The following TMEM82 variants were observed in gnomAD, a reference collection of about 807,000 sequenced individuals.
The protein encoded by TMEM82 is transmembrane protein 82.
TMEM82 carries 30 observed loss-of-function variants against 29.2 expected under a neutral mutation model. The observed-to-expected ratio is 1.03, with a 90% CI of 0.77 to 1.39. TMEM82 has a LOEUF of 1.39. Among genes scored for constraint, TMEM82 ranks in the 40% most tolerant of loss-of-function variants. The pLI, the probability that TMEM82 is intolerant of heterozygous loss-of-function variation, is 0.00. For missense variants in TMEM82, 442 were observed against 447.7 expected (o/e 0.99, Z 0.12); for synonymous variants, 221 against 225.4 (o/e 0.98, Z 0.18).
intron 2 of TMEM82, 49 bp downstream of exon 2, chr1:15,742,956 A>C (rs1307670479): frequency 6.2e-7 from 1 of 1,605,412 alleles, no homozygotes; most frequent in South Asian, 1.1e-5. Context: ...GGGCACGGGG[A>C]CCCCCACCAG....
chr1:15,742,808 C>A, intron 1 of TMEM82, 27 bp from the exon 2 acceptor site: 1 of 1,606,706 alleles, frequency 6.2e-7, no homozygotes, highest in Non-Finnish European at 8.5e-7. Flanking sequence ...TGCACGCTGC[C>A]TCGCTGCCTC....
rs530329996 is a variant in TMEM82 at position 15,744,831 on chromosome 1, G to A, written c.757+251G>A. 1.1e-4 allele frequency among the ~76,000 whole-genome samples: 16 copies of A among 152,270 alleles called. No individual in the cohort carries two copies. In the East Asian group the frequency reaches 3.1e-3, roughly 30 times the overall value. ...GAAGCGAGGCAGGGAACAGAATCTT[G>A]GACAGAGAGAACCGCATGTGCCAAT... On this transcript the variant is annotated intron_variant, in intron 4 of 5. Coordinates refer to ENST00000375782, the MANE Select transcript of TMEM82 (RefSeq NM_001013641.3). This position sits in a 1 kb window ranked among gnomAD's most constrained non-coding sequence, Gnocchi z 5.2.
In TMEM82 at chr1:15,744,463, G is replaced by T; in HGVS notation, c.640G>T (p.Val214Leu). 6.2e-7 allele frequency: 1 copy of T among 1,608,846 alleles called. No individual in the cohort carries two copies. The highest frequency in any genetic ancestry group is 8.5e-7 in the Non-Finnish European group (1 of 1,178,304). Reference sequence around the variant, plus strand: ...CCGTGCCCTGGCCATAGCCTTTGCCGTGGGTGACCTGGCAGCTGTGGCCCT... The same window carrying T: ...CCGTGCCCTGGCCATAGCCTTTGCCTTGGGTGACCTGGCAGCTGTGGCCCT... ...LGRALAIAFA[V>L]GDLAAVALIN... The change falls in exon 4 of 6, where the codon GTG becomes TTG. Residue 214 changes from valine (V) to leucine (L), a missense_variant. Val to Leu is a conservative substitution (Grantham distance 32). Transcript: ENST00000375782. The surrounding 1 kb of genome is among the most constrained non-coding windows in gnomAD (Gnocchi z 5.2).
rs149943765 is a variant in TMEM82, at chr1:15,742,965, AG to A, written c.162-51del. On this transcript the variant is annotated intron_variant, in intron 2 of 5. Transcript: ENST00000375782. ...GGCTGGGGGCACGGGGACCCCCACC[AG>A]GGGTCGAAGGTGGCAGTTCTGCACC... is the stretch of plus-strand genomic sequence containing the variant. 3.8e-3 allele frequency: 6,112 copies of A among 1,604,818 alleles called. 192 individuals carry two copies. In the African/African-American group the frequency reaches 0.071, roughly 19 times the overall value.
rs937009168 is a variant in TMEM82, at chr1:15,744,021, C to T, written c.337-139C>T. 4 of 748,302 alleles carry T rather than the reference C, an allele frequency of 5.3e-6. No individual in the cohort carries two copies. Among genetic ancestry groups the T allele is most frequent in the Non-Finnish European group, 8.4e-6 (4 of 477,818 alleles). The allele number at this position is 748,302 out of a possible 1,614,324, so 46.4% of individuals were successfully genotyped here. A position where few individuals can be genotyped will look rare whatever the true frequency, so the allele number is the denominator to read the frequency against. Reference sequence around the variant, plus strand: ...GAAATTAAGGTGAGAGAGATGATCCCCTAGGGCTTCATCTGAAGCCGATGT... The same window carrying T: ...GAAATTAAGGTGAGAGAGATGATCCTCTAGGGCTTCATCTGAAGCCGATGT... On this transcript the variant is annotated intron_variant, in intron 3 of 5. Transcript: ENST00000375782. This position sits in a 1 kb window ranked among gnomAD's most constrained non-coding sequence, Gnocchi z 5.2.
At position 15,743,458 on chromosome 1, in the gene TMEM82, C is replaced by T. The variant is rs183236028; in HGVS notation, c.336+264C>T. On this transcript the variant is annotated intron_variant, in intron 3 of 5. Transcript: ENST00000375782. ...GCCCCCCAAATGCCAGGCCCTGCGC[C>T]GAGTGCACCGTGTGCATCACGTAAT... Among the ~76,000 whole-genome samples the T allele has an allele frequency of 5.9e-5, 9 of 152,388 alleles. No individual in the cohort carries two copies. The East Asian group carries it at 1.5e-3, about 26-fold the overall frequency.
chr1:15,744,638 G>C lies in TMEM82; in HGVS notation c.757+58G>C. 8.6e-6 allele frequency: 13 copies of C among 1,505,440 alleles called. No individual in the cohort carries two copies. Among genetic ancestry groups the C allele is most frequent in the Non-Finnish European group, 1.2e-5 (13 of 1,122,448 alleles). The allele number at this position is 1,505,440 out of a possible 1,614,324, so 93.3% of individuals were successfully genotyped here. A position where few individuals can be genotyped will look rare whatever the true frequency, so the allele number is the denominator to read the frequency against. On this transcript the variant is annotated intron_variant, in intron 4 of 5. Transcript: ENST00000375782. The surrounding 1 kb of genome is among the most constrained non-coding windows in gnomAD (Gnocchi z 5.2). ...ACGCACATCCCTCTGTCTGGGTCAG[G>C]CTCCGGGGAGGCCGAGAGCCATCAG...
At position 15,744,526 on chromosome 1, in the gene TMEM82, C is replaced by T. The variant is rs760451535; in HGVS notation, c.703C>T (p.Arg235Trp). 1.1e-5 allele frequency: 17 copies of T among 1,612,194 alleles called. No individual in the cohort carries two copies. The highest frequency in any genetic ancestry group is 1.3e-5 in the Non-Finnish European group (15 of 1,179,748). The change falls in exon 4 of 6, where the codon CGG (arginine) becomes TGG (tryptophan). Residue 235 changes from arginine (R) to tryptophan (W), a missense_variant. By Grantham distance (101) the Arg-to-Trp change is moderately radical. Coordinates refer to ENST00000375782, the MANE Select transcript of TMEM82 (RefSeq NM_001013641.3). This position sits in a 1 kb window ranked among gnomAD's most constrained non-coding sequence, Gnocchi z 5.2. ...CTTCCTGACCACCTCGGAGGCCATG[C>T]GGTTCTGGACACCGCTCACCATCTG... Reference protein sequence around the residue: ...QDFLTTSEAMRFWTPLTICYT... With the variant: ...QDFLTTSEAMWFWTPLTICYT...
Position 15,746,975 on chromosome 1 carries a change from T to A in TMEM82, c.866T>A (p.Leu289Gln). The change falls in exon 5 of 6, where the codon CTG becomes CAG. Residue 289 changes from leucine to glutamine, a missense_variant. Physicochemically the swap from Leu to Gln is moderately radical, Grantham distance 113. Coordinates refer to ENST00000375782, the MANE Select transcript of TMEM82 (RefSeq NM_001013641.3). ...LLTVGRWLDL[L>Q]GILVSLLGEL... ...ACTGTGGGTCGCTGGCTGGACCTGCTGGGCATCCTTGTCTCCCTACTGGGC... is the reference window on the plus strand; with the variant it reads ...ACTGTGGGTCGCTGGCTGGACCTGCAGGGCATCCTTGTCTCCCTACTGGGC... The A allele has an allele frequency of 6.2e-7, 1 of 1,612,080 alleles. No homozygotes were observed. Among genetic ancestry groups the A allele is most frequent in the South Asian group, 1.1e-5 (1 of 91,072 alleles).
chr1:15,744,018 T>TC lies in TMEM82; in HGVS notation c.337-138dup, dbSNP rs2068313677. The TC allele has an allele frequency of 2.9e-6, 2 of 688,022 alleles. No homozygotes were observed. Among genetic ancestry groups the TC allele is most frequent in the Middle Eastern group, 4.2e-4 (1 of 2,382 alleles). 42.6% of individuals were successfully genotyped at this position (688,022 alleles called of 1,614,324 possible). A position where few individuals can be genotyped will look rare whatever the true frequency, so the allele number is the denominator to read the frequency against. Reference sequence around the variant, plus strand: ...ATTGAAATTAAGGTGAGAGAGATGATCCCCTAGGGCTTCATCTGAAGCCGA... The same window carrying TC: ...ATTGAAATTAAGGTGAGAGAGATGATCCCCCTAGGGCTTCATCTGAAGCCGA... On this transcript the variant is annotated intron_variant, in intron 3 of 5. Coordinates refer to ENST00000375782, the MANE Select transcript of TMEM82 (RefSeq NM_001013641.3). The surrounding 1 kb of genome is among the most constrained non-coding windows in gnomAD (Gnocchi z 5.2).
chr1:15,746,250 G>A (rs2068334559), intron 4 of TMEM82, among the ~76,000 whole-genome samples: 2 of 151,794 alleles, frequency 1.3e-5, no homozygotes, highest in Admixed American at 6.6e-5. Flanking sequence ...TTCGGAGGCT[G>A]AGGCAGGCAA....
rs77696486 is a variant in TMEM82 at position 15,743,256 on chromosome 1, C to G, written c.336+62C>G. The G allele has an allele frequency of 1.4e-5, 21 of 1,520,394 alleles. No homozygotes were observed. In the East Asian group the frequency reaches 1.7e-4, roughly 12 times the overall value. 94.2% of individuals were successfully genotyped at this position (1,520,394 alleles called of 1,614,324 possible). A position where few individuals can be genotyped will look rare whatever the true frequency, so the allele number is the denominator to read the frequency against. On this transcript the variant is annotated intron_variant, in intron 3 of 5. Coordinates refer to ENST00000375782, the MANE Select transcript of TMEM82 (RefSeq NM_001013641.3). ...CCAGCCCAGGGCCCGGGCTCACCCC[C>G]GGAATGTGGGCAGCAGGGCCCAGGT...
chr1:15,745,944 T>C (rs542500591), intron 4 of TMEM82, among the ~76,000 whole-genome samples: 107 of 150,402 alleles, frequency 7.1e-4, no homozygotes, highest in African/African-American at 2.5e-3. Context: ...AGGCTGGTCT[T>C]GAACTCTTGG....
At chr1:15,743,915 A>G (rs996690461) in intron 3 of TMEM82, among the ~76,000 whole-genome samples, 10 of 152,118 alleles carry the variant, frequency 6.6e-5, no homozygotes, top group Middle Eastern at 3.4e-3. Flanking sequence ...CAGTGAGCGG[A>G]GATCGAGCCA....
chr1:15,743,083 G>A lies in TMEM82; in HGVS notation c.225G>A (p.Val75=). 6.2e-7 allele frequency: 1 copy of A among 1,610,594 alleles called. No individual in the cohort carries two copies. The highest frequency in any genetic ancestry group is 1.7e-4 in the Middle Eastern group (1 of 6,048). ...CCCAGTGGGCCTCCCTGGAAACGGTGCACCTGGCAGGGCTGGCCCTGTTTC... is the reference window on the plus strand; with the variant it reads ...CCCAGTGGGCCTCCCTGGAAACGGTACACCTGGCAGGGCTGGCCCTGTTTC... ...LRAQWASLET[V]HLAGLALFLT... is the part of the protein sequence containing the mutation. The change falls in exon 3 of 6, where the codon GTG becomes GTA. Residue 75 remains valine, a synonymous_variant. Coordinates refer to ENST00000375782, the MANE Select transcript of TMEM82 (RefSeq NM_001013641.3).
rs2068350234 is a variant in TMEM82 at position 15,747,823 on chromosome 1, G to C, written c.*191G>C. 1 of 506,582 alleles carries C rather than the reference G, an allele frequency of 2.0e-6. No individual in the cohort carries two copies. The allele number at this position is 506,582 out of a possible 1,614,324, so 31.4% of individuals were successfully genotyped here. A position where few individuals can be genotyped will look rare whatever the true frequency, so the allele number is the denominator to read the frequency against. On this transcript the variant is annotated 3_prime_UTR_variant, in exon 6 of 6. Transcript: ENST00000375782. Reference sequence around the variant, plus strand: ...GGAGCCTCTGGAGAGGGGACACCTGGGGACCCCTGGTTGAACCCTCTTTTT... The same window carrying C: ...GGAGCCTCTGGAGAGGGGACACCTGCGGACCCCTGGTTGAACCCTCTTTTT...
chr1:15,747,502 G>A (rs183804781), intron 5 of TMEM82, 44 bp from the exon 6 acceptor site: 1 of 1,565,150 alleles, frequency 6.4e-7, no homozygotes, highest in Non-Finnish European at 8.8e-7. Flanking sequence ...GGCCCGCAGG[G>A]GGATGGGTGA....
intron 3 of TMEM82, 118 bp downstream of exon 3, chr1:15,743,312 C>T (rs185222376): frequency 2.3e-5 from 29 of 1,266,726 alleles, no homozygotes; most frequent in East Asian, 7.7e-5. Flanking sequence ...CCGTATTTTC[C>T]GTAAGACTGA....
chr1:15,744,736 C>A lies in TMEM82; in HGVS notation c.757+156C>A, dbSNP rs1231937482. 6.6e-6 allele frequency among the ~76,000 whole-genome samples: 1 copy of A among 152,196 alleles called. No homozygotes were observed. The highest frequency in any genetic ancestry group is 2.4e-5 in the African/African-American group (1 of 41,454). On this transcript the variant is annotated intron_variant, in intron 4 of 5. Coordinates refer to ENST00000375782, the MANE Select transcript of TMEM82 (RefSeq NM_001013641.3). The surrounding 1 kb of genome is among the most constrained non-coding windows in gnomAD (Gnocchi z 5.2). ...TGGCGGGGGCAGTGCAGAGAAGCAG[C>A]ATGTAGTGGGCACCCTGAGGTTGTA...
Sources: gnomAD v4.1 joint callset for allele counts (sites outside exome capture counted in the v4.1 genomes callset) on GRCh38, gnomAD v4.1.1 for gene constraint, Gnocchi (gnomAD v3.1) non-coding constraint, MANE v1.5 for transcripts, NCBI Gene and HGNC (gene_info 2026-07-23, HGNC 2026-07-21) for gene names.